YPEL2: variants seen among roughly 807,000 people sequenced by gnomAD.
YPEL2 encodes protein yippee-like 2.
A neutral mutation model predicts 19.1 loss-of-function variants in YPEL2; 2 were observed. The ratio of observed to expected loss-of-function variants is 0.10; its 90% CI spans 0.04 to 0.33. YPEL2 has a LOEUF of 0.33. Among genes scored for constraint, YPEL2 ranks in the 10% least tolerant of loss-of-function variants. The pLI is 1.00. For missense variants in YPEL2, 66 were observed against 140.7 expected (o/e 0.47, Z 2.68); for synonymous variants, 52 against 50.0 (o/e 1.04, Z -0.17).
rs1177274342 is a variant in YPEL2, at chr17:59,353,511, T to C, written c.102T>C (p.Asp34=). ...GCAGAGCTCACTTGGCCAATCATGA[T>C]GAACTAATTTCCAAGGTACACATTT... ...IHCRAHLANH[D]ELISKSFQGS... is the part of the protein sequence containing the mutation. The change falls in exon 2 of 5, where the codon GAT becomes GAC. Residue 34 remains aspartate (D), a synonymous_variant. Coordinates refer to ENST00000312655, the MANE Select transcript of YPEL2 (RefSeq NM_001005404.4). This position sits in a 1 kb window ranked among gnomAD's most constrained non-coding sequence, Gnocchi z 4.8. 1 of 1,613,974 alleles carries C rather than the reference T, an allele frequency of 6.2e-7. No homozygotes were observed. The highest frequency in any genetic ancestry group is 8.5e-7 in the Non-Finnish European group (1 of 1,179,828).
intron 4 of YPEL2, among the ~76,000 whole-genome samples, chr17:59,393,825 TG>T (rs2048021758): frequency 6.6e-6 from 1 of 151,064 alleles, no homozygotes; most frequent in African/African-American, 2.4e-5. Context: ...AGCACAGGGT[TG>T]GGGGTAAGGT....
chr17:59,364,711 G>A (rs999841156), intron 2 of YPEL2, among the ~76,000 whole-genome samples: 1 of 147,992 alleles, frequency 6.8e-6, no homozygotes, highest in African/African-American at 2.5e-5. Context: ...TCCACCTCCC[G>A]AGTTGAAGCA....
chr17:59,352,770 A>G (rs1289976585), intron 1 of YPEL2, among the ~76,000 whole-genome samples: 3 of 152,170 alleles, frequency 2.0e-5, no homozygotes, highest in African/African-American at 7.2e-5. Flanking sequence ...ACATCTGGAA[A>G]TAGATGAGAA....
At chr17:59,383,069 A>G (rs1464176218) in intron 2 of YPEL2, among the ~76,000 whole-genome samples, 1 of 152,270 alleles carries the variant, frequency 6.6e-6, no homozygotes, top group East Asian at 1.9e-4. Flanking sequence ...GAATAGTTTT[A>G]AATAGATTAG....
chr17:59,342,883 A>G (rs1427079140), intron 1 of YPEL2, among the ~76,000 whole-genome samples: 4 of 152,136 alleles, frequency 2.6e-5, no homozygotes, highest in Admixed American at 2.6e-4. Context: ...GAAGACTCCT[A>G]GGTTGGAACT....
Position 59,396,957 on chromosome 17 carries a change from G to A in YPEL2, c.271-144G>A, listed in dbSNP as rs945965368. On this transcript the variant is annotated intron_variant, in intron 4 of 4. Transcript: ENST00000312655. ...GAGGCAGGAGAATCGCTCGAACCTG[G>A]GAGGCGGAGATTGCAGTGAGTGGAG... is the stretch of plus-strand genomic sequence containing the variant. 2.1e-5 allele frequency: 11 copies of A among 515,732 alleles called. No individual in the cohort carries two copies. In the Admixed American group the frequency reaches 2.7e-4, roughly 13 times the overall value. 31.9% of individuals were successfully genotyped at this position (515,732 alleles called of 1,614,324 possible). A position where few individuals can be genotyped will look rare whatever the true frequency, so the allele number is the denominator to read the frequency against.
intron 1 of YPEL2, among the ~76,000 whole-genome samples, chr17:59,342,702 T>C (rs911926893): frequency 2.6e-5 from 4 of 152,188 alleles, no homozygotes; most frequent in African/African-American, 9.7e-5. Context: ...CTCTTGGGGC[T>C]GGAGGAAAAG....
chr17:59,394,092 G>A (rs1011546439), intron 4 of YPEL2, among the ~76,000 whole-genome samples: 12 of 151,992 alleles, frequency 7.9e-5, no homozygotes, highest in East Asian at 1.9e-4. Context: ...AGGGGCGGCC[G>A]GGCAGAGGAG....
chr17:59,346,435 G>T (rs990832507), intron 1 of YPEL2, among the ~76,000 whole-genome samples: 1 of 152,202 alleles, frequency 6.6e-6, no homozygotes, highest in Non-Finnish European at 1.5e-5. Context: ...GGGCATCACA[G>T]CACGGGATGA....
chr17:59,392,868 T>C (rs1034852492), intron 4 of YPEL2, among the ~76,000 whole-genome samples: 1 of 152,130 alleles, frequency 6.6e-6, no homozygotes, highest in Admixed American at 6.5e-5. Flanking sequence ...CAGGCTGGTC[T>C]CCATCTCCTG....
intron 1 of YPEL2, among the ~76,000 whole-genome samples, chr17:59,349,427 C>A (rs1246803502): frequency 2.7e-5 from 4 of 149,998 alleles, no homozygotes; most frequent in African/African-American, 9.9e-5. Flanking sequence ...CTCCGCCTCC[C>A]AGGCTCAAGT....
intron 1 of YPEL2, among the ~76,000 whole-genome samples, chr17:59,348,500 G>C (rs1028976232): frequency 5.3e-5 from 8 of 152,220 alleles, no homozygotes; most frequent in African/African-American, 1.9e-4. Context: ...GCATGGGGTG[G>C]GGGCTGGCCA....
intron 1 of YPEL2, among the ~76,000 whole-genome samples, chr17:59,344,622 G>A (rs1422113975): frequency 6.6e-6 from 1 of 152,126 alleles, no homozygotes; most frequent in Non-Finnish European, 1.5e-5. Flanking sequence ...GCCAGCAATG[G>A]TGGTACACGC....
chr17:59,374,189 G>A (rs1298410049), intron 2 of YPEL2, among the ~76,000 whole-genome samples: 2 of 152,140 alleles, frequency 1.3e-5, no homozygotes, highest in Non-Finnish European at 1.5e-5. Flanking sequence ...GGTTGGAGTG[G>A]GTAGTCTGGT....
At chr17:59,379,633 G>A (rs2047938718) in intron 2 of YPEL2, among the ~76,000 whole-genome samples, 1 of 152,150 alleles carries the variant, frequency 6.6e-6, no homozygotes, top group African/African-American at 2.4e-5. Context: ...AATGGTGTGT[G>A]ATTTCTTTTT....
intron 2 of YPEL2, among the ~76,000 whole-genome samples, chr17:59,368,195 C>T (rs2047880086): frequency 6.6e-6 from 1 of 152,028 alleles, no homozygotes; most frequent in African/African-American, 2.4e-5. Context: ...ATGATCTTTT[C>T]ACCTTAGTCT....
At chr17:59,371,157 A>G (rs1456514161) in intron 2 of YPEL2, among the ~76,000 whole-genome samples, 4 of 152,114 alleles carry the variant, frequency 2.6e-5, no homozygotes, top group African/African-American at 9.7e-5. Context: ...CCTGTTTCAC[A>G]TCCTTAGGCA....
intron 1 of YPEL2, among the ~76,000 whole-genome samples, chr17:59,334,015 A>G (rs1954485840): frequency 6.6e-6 from 1 of 152,188 alleles, no homozygotes; most frequent in African/African-American, 2.4e-5. Context: ...TAGGCTTTGA[A>G]AAGTCTAAGG....
At chr17:59,392,461 AC>A (rs1014863675) in intron 4 of YPEL2, among the ~76,000 whole-genome samples, 2 of 134,072 alleles carry the variant, frequency 1.5e-5, no homozygotes, top group Non-Finnish European at 3.2e-5. Context: ...AACACCCAAC[AC>A]CCCAAATATG....
Sources: gnomAD v4.1 joint callset for allele counts (sites outside exome capture counted in the v4.1 genomes callset) on GRCh38, gnomAD v4.1.1 for gene constraint, Gnocchi (gnomAD v3.1) non-coding constraint, MANE v1.5 for transcripts, NCBI Gene and HGNC (gene_info 2026-07-23, HGNC 2026-07-21) for gene names.